ITGA7: variants seen among roughly 807,000 people sequenced by gnomAD.
The protein encoded by ITGA7 is integrin subunit alpha 7.
Under a neutral mutation model 131.6 loss-of-function variants are expected in ITGA7, and 84 were observed. The ratio of observed to expected loss-of-function variants is 0.64; its 90% confidence interval spans 0.54 to 0.77. The LOEUF (loss-of-function observed/expected upper bound fraction) is 0.77, where lower values mean the gene tolerates loss of function less well. Among genes scored for constraint, ITGA7 ranks in the 30% least tolerant of loss-of-function variants. The pLI, the probability that ITGA7 is intolerant of heterozygous loss-of-function variation, is 0.00. For missense variants in ITGA7, 1,399 were observed against 1,482.9 expected, an observed-to-expected ratio of 0.94 and a Z score of 0.93; for synonymous variants, 548 against 600.7, an observed-to-expected ratio of 0.91 and a Z score of 1.28.
At chr12:55,695,772 A>G (rs1872516968) in intron 13 of ITGA7, 135 bp from the exon 14 acceptor site, 1 of 678,380 alleles carries the variant, frequency 1.5e-6, no homozygotes, top group Non-Finnish European at 2.7e-6. Flanking sequence ...GCTGCTTATT[A>G]GCCATGTGAT....
intron 13 of ITGA7, 23 bp from the exon 14 acceptor site, chr12:55,695,660 G>C: frequency 6.4e-7 from 1 of 1,569,218 alleles, no homozygotes; most frequent in East Asian, 2.2e-5. Flanking sequence ...ATGAGATAAG[G>C]GGCATTCCTA....
rs1176489004 is a variant in ITGA7, at chr12:55,698,421, AGGCTGATCCC to A, written c.1144_1153del (p.Gly382TrpfsTer121). The A allele has an allele frequency of 6.2e-7, 1 of 1,613,626 alleles. No homozygotes were observed. Among genetic ancestry groups the A allele is most frequent in the Non-Finnish European group, 8.5e-7 (1 of 1,179,760 alleles). Reference sequence around the variant, plus strand: ...TTGGTTGAGGTCCCCCAGGACAGCCAGGCTGATCCCGAACATGGAGTCAGGGGAGCCGCAG... The same window carrying A: ...TTGGTTGAGGTCCCCCAGGACAGCCAGAACATGGAGTCAGGGGAGCCGCAG... On this transcript the variant is annotated frameshift_variant, in exon 7 of 25. Transcript: ENST00000257879. LOFTEE classifies it high-confidence loss of function.
At chr12:55,695,025 C>A in intron 14 of ITGA7, 55 bp from the exon 15 acceptor site, 3 of 1,552,552 alleles carry the variant, frequency 1.9e-6, no homozygotes, top group Non-Finnish European at 2.6e-6. Context: ...CCTACCATTC[C>A]CCCGCCCAGT....
In ITGA7 at chr12:55,684,718, A is replaced by C; in HGVS notation, c.*340T>G. On this transcript the variant is annotated 3_prime_UTR_variant, in exon 25 of 25. Transcript: ENST00000257879. ...CCTCCCCGACCCTCTAGGTTAAGGC[A>C]CTTCCGGGGAGGCAGGTCCTTGGGG... The C allele has an allele frequency of 3.3e-6, 1 of 305,444 alleles. No homozygotes were observed. Among genetic ancestry groups the C allele is most frequent in the Non-Finnish European group, 6.1e-6 (1 of 165,056 alleles). 18.9% of individuals were successfully genotyped at this position (305,444 alleles called of 1,614,324 possible).
rs142143029 is a variant in ITGA7, at chr12:55,694,623, C to A, written c.2269G>T (p.Gly757Cys). ...ECELGNPMKR[G>C]AQVTFYLILS... ...AGGGCAGATGTGCCAACCTGGGCAC[C>A]TCTCTTCATGGGGTTCCCCAGCTCA... Residue 757 changes from glycine (G) to cysteine (C), a missense_variant, in exon 16 of 25, where the codon GGT becomes TGT. Physicochemically the swap from Gly to Cys is radical, Grantham distance 159. Coordinates refer to ENST00000257879, the MANE Select transcript of ITGA7 (RefSeq NM_002206.3). The surrounding 1 kb of genome is among the most constrained non-coding windows in gnomAD (Gnocchi z 5.3). The A allele has an allele frequency of 1.9e-6, 3 of 1,614,098 alleles. No homozygotes were observed. The highest frequency in any genetic ancestry group is 2.5e-6 in the Non-Finnish European group (3 of 1,179,966).
intron 4 of ITGA7, chr12:55,700,319 C>T: frequency 6.2e-7 from 1 of 1,610,502 alleles, no homozygotes; most frequent in South Asian, 1.1e-5. Context: ...TTCTCTCCCC[C>T]CGCCTCGTAG....
chr12:55,692,990 G>A lies in ITGA7; in HGVS notation c.2713-15C>T, dbSNP rs1299940464. The A allele has an allele frequency of 2.5e-6, 4 of 1,613,780 alleles. No individual in the cohort carries two copies. The Admixed American group carries it at 5.0e-5, about 20-fold the overall frequency. On this transcript the variant is annotated splice_polypyrimidine_tract_variant and intron_variant, in intron 20 of 24. Coordinates refer to ENST00000257879, the MANE Select transcript of ITGA7 (RefSeq NM_002206.3). ...CTGTCCACATCCTGGACACGGAAGG[G>A]GGGTCTTAGTGAGTGTCCCTCCAAT... is the stretch of plus-strand genomic sequence containing the variant.
chr12:55,699,770 G>C (rs372183288), intron 5 of ITGA7, 100 bp downstream of exon 5: 5 of 1,402,506 alleles, frequency 3.6e-6, no homozygotes, highest in Non-Finnish European at 4.9e-6. Context: ...GTGTGTGTTG[G>C]GGGAGGAGGA....
intron 24 of ITGA7, among the ~76,000 whole-genome samples, chr12:55,687,252 A>G (rs1274440418): frequency 7.5e-6 from 1 of 133,604 alleles, no homozygotes; most frequent in Non-Finnish European, 1.5e-5. Context: ...ATCTTGGCTC[A>G]CTGCAACCTC....
chr12:55,688,802 G>A, intron 22 of ITGA7, 42 bp downstream of exon 22: 1 of 1,446,250 alleles, frequency 6.9e-7, no homozygotes, highest in Non-Finnish European at 9.7e-7. Context: ...AGGGGCTTTG[G>A]AGGAAGAAGA....
At chr12:55,710,131 C>A (rs1466775352), upstream of ITGA7, among the ~76,000 whole-genome samples, 1 of 152,136 alleles carries the variant, frequency 6.6e-6, no homozygotes, top group Non-Finnish European at 1.5e-5. Flanking sequence ...GAGGCCGAAG[C>A]AGGCGGATCA....
At chr12:55,688,394 A>G in intron 22 of ITGA7, 94 bp from the exon 23 acceptor site, 1 of 942,618 alleles carries the variant, frequency 1.1e-6, no homozygotes, top group Non-Finnish European at 1.7e-6. Context: ...ATGGTGCCCA[A>G]CACAGAGGAT....
intron 1 of ITGA7, among the ~76,000 whole-genome samples, chr12:55,706,760 G>A (rs181084997): frequency 1.3e-5 from 2 of 152,322 alleles, no homozygotes; most frequent in Non-Finnish European, 2.9e-5. Context: ...AATTTGCTAA[G>A]GAGGAGGAAG....
upstream of ITGA7, chr12:55,716,330 A>AT (rs1175841130): frequency 4.0e-6 from 6 of 1,484,122 alleles, no homozygotes; most frequent in Non-Finnish European, 3.6e-6. Context: ...GGGAGAGGGA[A>AT]TTTCAGAGAG....
Position 55,693,257 on chromosome 12 carries a change from G to A in ITGA7, c.2596C>T (p.Pro866Ser). Reference protein sequence around the residue: ...LGSAFLNIMWPHEIANGKWLL... With the variant: ...LGSAFLNIMWSHEIANGKWLL... The stretch of plus-strand genomic sequence containing the variant: ...CACTTCCCATTGGCAATCTCATGAG[G>A]CCACATGATGTTGAGGAAGGCAGAG... Residue 866 changes from proline to serine, a missense_variant, in exon 20 of 25, where the codon CCT (proline) becomes TCT (serine). By Grantham distance (74) the Pro-to-Ser change is moderately conservative. Transcript: ENST00000257879. The A allele has an allele frequency of 6.2e-7, 1 of 1,614,090 alleles. No homozygotes were observed. The highest frequency in any genetic ancestry group is 1.7e-5 in the Admixed American group (1 of 60,020).
Position 55,685,020 on chromosome 12 carries a change from AT to A in ITGA7, c.*37del, listed in dbSNP as rs773971690. On this transcript the variant is annotated 3_prime_UTR_variant, in exon 25 of 25. Coordinates refer to ENST00000257879, the MANE Select transcript of ITGA7 (RefSeq NM_002206.3). ...CCAAGGAGCCATCTCTGGGGAAGGGATGGAGGGCAGCCACAGGCCAGGCTGG... is the reference window on the plus strand; with the variant it reads ...CCAAGGAGCCATCTCTGGGGAAGGGAGGAGGGCAGCCACAGGCCAGGCTGG... 6.6e-7 allele frequency: 1 copy of A among 1,506,318 alleles called. No homozygotes were observed. The highest frequency in any genetic ancestry group is 1.3e-5 in the South Asian group (1 of 79,772). The allele number at this position is 1,506,318 out of a possible 1,614,324, so 93.3% of individuals were successfully genotyped here.
chr12:55,699,799 G>T, intron 5 of ITGA7, 71 bp downstream of exon 5: 18 of 1,543,568 alleles, frequency 1.2e-5, no homozygotes, highest in Non-Finnish European at 1.5e-5. Context: ...GGCACCAAAG[G>T]TCGAGTTCCC....
chr12:55,707,734 C>A lies in ITGA7; in HGVS notation c.-52G>T. On this transcript the variant is annotated 5_prime_UTR_variant, in exon 1 of 25. Transcript: ENST00000257879. Reference sequence around the variant, plus strand: ...CGAATGCAAGGGAAATCTCGCACGCCCCAAGCCCCAGGTCCCCCCAGGCGC... The same window carrying A: ...CGAATGCAAGGGAAATCTCGCACGCACCAAGCCCCAGGTCCCCCCAGGCGC... 6.4e-7 allele frequency: 1 copy of A among 1,551,036 alleles called. No homozygotes were observed. Among genetic ancestry groups the A allele is most frequent in the Non-Finnish European group, 8.7e-7 (1 of 1,146,942 alleles).
intron 5 of ITGA7, among the ~76,000 whole-genome samples, chr12:55,699,244 G>A (rs1873407460): frequency 6.6e-6 from 1 of 152,178 alleles, no homozygotes. Context: ...AGAAGGCCAG[G>A]AGCCCAGGTA....
Sources: gnomAD v4.1 joint callset for allele counts (sites outside exome capture counted in the v4.1 genomes callset) on GRCh38, gnomAD v4.1.1 for gene constraint, Gnocchi (gnomAD v3.1) non-coding constraint, MANE v1.5 for transcripts, NCBI Gene and HGNC (gene_info 2026-07-23, HGNC 2026-07-21) for gene names.